The following ZFHX4 variants were observed in gnomAD, a reference collection of about 807,000 sequenced individuals.
The protein encoded by ZFHX4 is zinc finger homeobox protein 4.
ZFHX4 carries 56 observed loss-of-function variants against 267.6 expected under a neutral mutation model. That is an observed-to-expected ratio of 0.21 (90% CI 0.17 to 0.26). ZFHX4 has a LOEUF of 0.26. Ranked by LOEUF, ZFHX4 falls within the 10% of genes least tolerant of loss-of-function variation. The pLI is 1.00. For missense variants in ZFHX4, 4,332 were observed against 4,420.0 expected (o/e 0.98, Z 0.56); for synonymous variants, 1,778 against 1,665.6 (o/e 1.07, Z -1.64).
At chr8:76,830,118 G>T (rs1343927735) in intron 4 of ZFHX4, among the ~76,000 whole-genome samples, 1 of 152,100 alleles carries the variant, frequency 6.6e-6, no homozygotes, top group Non-Finnish European at 1.5e-5. Flanking sequence ...TGCAAATAAA[G>T]ATATCATTCA....
chr8:76,854,955 G>T lies in ZFHX4; in HGVS notation c.8034G>T (p.Pro2678=), dbSNP rs561390652. 2.5e-6 allele frequency: 4 copies of T among 1,613,960 alleles called. No individual in the cohort carries two copies. The highest frequency in any genetic ancestry group is 3.4e-6 in the Non-Finnish European group (4 of 1,179,880). ...CAGCACAGTCTCATAAACGGTGTCC[G>T]TTTTGCCGAGCCCTGTTTAAAGCAA... ...VGPAQSHKRC[P]FCRALFKAKS... is the part of the protein sequence containing the mutation. The change falls in exon 10 of 11, where the codon CCG becomes CCT. Residue 2678 remains proline, a synonymous_variant. Transcript: ENST00000651372.
intron 3 of ZFHX4, among the ~76,000 whole-genome samples, chr8:76,752,788 A>T (rs1181379004): frequency 6.6e-6 from 1 of 152,206 alleles, no homozygotes; most frequent in East Asian, 1.9e-4. Context: ...AATAATTTTT[A>T]CATTCACTGG....
intron 5 of ZFHX4, among the ~76,000 whole-genome samples, chr8:76,839,966 C>T (rs1812192203): frequency 6.6e-6 from 1 of 152,054 alleles, no homozygotes; most frequent in South Asian, 2.1e-4. Flanking sequence ...TTCTAAAACC[C>T]TCTTTGAGAA....
chr8:76,754,357 T>C (rs1053015889), intron 3 of ZFHX4, among the ~76,000 whole-genome samples: 5 of 151,972 alleles, frequency 3.3e-5, no homozygotes, highest in African/African-American at 1.2e-4. Context: ...GGCATGGTGG[T>C]GCGCACCTGT....
intron 1 of ZFHX4, among the ~76,000 whole-genome samples, chr8:76,697,790 G>A (rs1162481362): frequency 6.6e-6 from 1 of 151,818 alleles, no homozygotes; most frequent in Non-Finnish European, 1.5e-5. Flanking sequence ...ATTGATTTAT[G>A]GATTAATATT....
chr8:76,682,314 C>G (rs1341231373), intron 1 of ZFHX4, among the ~76,000 whole-genome samples: 1 of 152,176 alleles, frequency 6.6e-6, no homozygotes, highest in African/African-American at 2.4e-5. Flanking sequence ...TTCTCAAGTT[C>G]CCCGAAGGTC....
intron 3 of ZFHX4, among the ~76,000 whole-genome samples, chr8:76,726,569 G>A (rs1808858799): frequency 6.6e-6 from 1 of 152,138 alleles, no homozygotes; most frequent in African/African-American, 2.4e-5. Context: ...GTATTTGCCT[G>A]AGCATTTAAA....
intron 3 of ZFHX4, chr8:76,733,350 C>G (rs1374249880): frequency 1.3e-5 from 2 of 152,226 alleles, no homozygotes; most frequent in Non-Finnish European, 2.9e-5. Context: ...TCTCCTGTCT[C>G]CCTTAGACCT....
intron 10 of ZFHX4, among the ~76,000 whole-genome samples, chr8:76,857,215 A>G (rs919372510): frequency 2.0e-5 from 3 of 152,020 alleles, no homozygotes; most frequent in Non-Finnish European, 2.9e-5. Context: ...AAATATAACG[A>G]AAGTTATATA....
rs1299725020 is a variant in ZFHX4 at position 76,850,905 on chromosome 8, C to G, written c.3984C>G (p.Asp1328Glu). The G allele has an allele frequency of 6.2e-7, 1 of 1,607,032 alleles. No individual in the cohort carries two copies. Among genetic ancestry groups the G allele is most frequent in the East Asian group, 2.2e-5 (1 of 44,702 alleles). ...GKYSGESPMDDKSMAGLEDSK... is the reference protein window; with the variant it reads ...GKYSGESPMDEKSMAGLEDSK... ...TAATAGGTGAAAGTCCAATGGATGA[C>G]AAAAGCATGGCAGGTCTCGAGGATT... Residue 1328 changes from aspartate to glutamate, a missense_variant, in exon 10 of 11, where the codon GAC (aspartate) becomes GAG (glutamate). By Grantham distance (45) the Asp-to-Glu change is conservative. Coordinates refer to ENST00000651372, the MANE Select transcript of ZFHX4 (RefSeq NM_024721.5).
In ZFHX4 at chr8:76,863,812, A is replaced by G; in HGVS notation, c.10098A>G (p.Thr3366=). The change falls in exon 11 of 11, where the codon ACA becomes ACG. Residue 3366 remains threonine, a synonymous_variant. Coordinates refer to ENST00000651372, the MANE Select transcript of ZFHX4 (RefSeq NM_024721.5). ...AAAACTCCAACGATGCTTCAGAAAC[A>G]AAGGAAGACAAAAGTACTGCTACAG... is the stretch of plus-strand genomic sequence containing the variant. ...QPQNSNDASE[T]KEDKSTATES... is the part of the protein sequence containing the mutation. The G allele has an allele frequency of 1.9e-6, 3 of 1,552,428 alleles. No homozygotes were observed. Among genetic ancestry groups the G allele is most frequent in the Non-Finnish European group, 2.6e-6 (3 of 1,147,280 alleles).
chr8:76,818,499 G>A (rs541235910), intron 4 of ZFHX4, among the ~76,000 whole-genome samples: 38 of 152,330 alleles, frequency 2.5e-4, no homozygotes, highest in South Asian at 6.2e-4. Context: ...TATGAATGGC[G>A]TTGTTGAAGA....
Position 76,849,731 on chromosome 8 carries a change from G to C in ZFHX4, c.3846+19G>C. ...TATGACAGTAAGGATACCAAATATT[G>C]ATGCATGTGTGACATAATCTGTGTC... On this transcript the variant is annotated intron_variant, in intron 8 of 10. Coordinates refer to ENST00000651372, the MANE Select transcript of ZFHX4 (RefSeq NM_024721.5). The C allele has an allele frequency of 6.3e-7, 1 of 1,598,872 alleles. No homozygotes were observed. Among genetic ancestry groups the C allele is most frequent in the South Asian group, 1.1e-5 (1 of 90,568 alleles).
chr8:76,814,432 C>A (rs562644955), intron 4 of ZFHX4, among the ~76,000 whole-genome samples: 98 of 152,158 alleles, frequency 6.4e-4, no homozygotes, highest in African/African-American at 2.3e-3. Flanking sequence ...GTGCAAAGTT[C>A]ATTAACCTGA....
intron 4 of ZFHX4, among the ~76,000 whole-genome samples, chr8:76,825,117 C>A (rs934166355): frequency 5.9e-5 from 9 of 152,088 alleles, no homozygotes; most frequent in Non-Finnish European, 1.3e-4. Context: ...CTTATAAATA[C>A]AATCTAAAAA....
chr8:76,778,542 T>C (rs956586877), intron 4 of ZFHX4, 103 bp downstream of exon 4: 4 of 947,178 alleles, frequency 4.2e-6, no homozygotes, highest in Non-Finnish European at 6.6e-6. Flanking sequence ...ACTCTCCAAC[T>C]CGAGCCTGTC....
chr8:76,832,694 A>G (rs1811967159), intron 4 of ZFHX4, among the ~76,000 whole-genome samples: 1 of 152,158 alleles, frequency 6.6e-6, no homozygotes, highest in East Asian at 1.9e-4. Context: ...TGTTTTGTTT[A>G]TTCCATAGGT....
intron 3 of ZFHX4, among the ~76,000 whole-genome samples, chr8:76,725,908 C>T (rs549285814): frequency 6.6e-6 from 1 of 152,074 alleles, no homozygotes; most frequent in Non-Finnish European, 1.5e-5. Flanking sequence ...TCTGTTAATA[C>T]CAGTTAGCAG....
intron 1 of ZFHX4, among the ~76,000 whole-genome samples, chr8:76,686,171 T>C (rs1331684349): frequency 1.3e-5 from 2 of 152,186 alleles, no homozygotes; most frequent in Non-Finnish European, 2.9e-5. Flanking sequence ...ATTTTTTCCA[T>C]TCAGTGTGAA....
Sources: allele counts gnomAD v4.1 joint callset (sites outside exome capture counted in the v4.1 genomes callset), GRCh38; gene constraint gnomAD v4.1.1; transcripts MANE v1.5; gene names NCBI Gene and HGNC (gene_info 2026-07-23, HGNC 2026-07-21).